Variants in FMN2 observed in about 807,000 individuals in gnomAD.
FMN2 encodes formin 2.
Under a neutral mutation model 142.3 loss-of-function variants are expected in FMN2, and 51 were observed. The observed-to-expected ratio is 0.36, with a 90% CI of 0.29 to 0.45. FMN2 has a LOEUF of 0.45. Among genes scored for constraint, FMN2 ranks in the 20% least tolerant of loss-of-function variants. The pLI, the probability that FMN2 is intolerant of heterozygous loss-of-function variation, is 1.00. For missense variants in FMN2, 1,936 were observed against 2,122.8 expected, an observed-to-expected ratio of 0.91 and a Z score of 1.73; for synonymous variants, 882 against 869.8, an observed-to-expected ratio of 1.01 and a Z score of -0.25.
chr1:240,227,107 A>G (rs1226655630), intron 6 of FMN2, among the ~76,000 whole-genome samples: 1 of 152,266 alleles, frequency 6.6e-6, no homozygotes, highest in Non-Finnish European at 1.5e-5. Flanking sequence ...GGAATTCATT[A>G]GAAGAAACTA....
At chr1:240,341,148 G>A (rs1671728025) in intron 13 of FMN2, among the ~76,000 whole-genome samples, 1 of 152,102 alleles carries the variant, frequency 6.6e-6, no homozygotes, top group African/African-American at 2.4e-5. Flanking sequence ...TATCAATGCA[G>A]TAAATCATAA....
At chr1:240,318,135 G>T (rs1187312970) in intron 8 of FMN2, among the ~76,000 whole-genome samples, 1 of 152,160 alleles carries the variant, frequency 6.6e-6, no homozygotes, top group African/African-American at 2.4e-5. Context: ...CCTTGTTGCT[G>T]CTGGGTGGAA....
chr1:240,196,293 T>A (rs1455585603), intron 4 of FMN2, among the ~76,000 whole-genome samples: 2 of 152,152 alleles, frequency 1.3e-5, no homozygotes, highest in Non-Finnish European at 2.9e-5. Context: ...TTCCATTACT[T>A]CTCAGCTAAG....
chr1:240,172,334 T>G (rs189866466), intron 2 of FMN2, among the ~76,000 whole-genome samples: 2 of 152,188 alleles, frequency 1.3e-5, no homozygotes, highest in South Asian at 4.1e-4. Flanking sequence ...CAACTACTTA[T>G]AGTCATGCAA....
Position 240,392,516 on chromosome 1 carries a change from A to G in FMN2, c.4864A>G (p.Ile1622Val). 1 of 1,610,220 alleles carries G rather than the reference A, an allele frequency of 6.2e-7. No individual in the cohort carries two copies. Among genetic ancestry groups the G allele is most frequent in the Non-Finnish European group, 8.5e-7 (1 of 1,178,182 alleles). ...TTATTTTCTTGCACTTTCAGCCAAA[A>G]TTGACCAAGAGGCAGAGGAAAATTC... The part of the protein sequence containing the change: ...NMEQFIIQAK[I>V]DQEAEENSLT... Residue 1622 changes from isoleucine (I) to valine (V), a missense_variant, in exon 15 of 18, where the codon ATT (isoleucine) becomes GTT (valine). Physicochemically the swap from Ile to Val is conservative, Grantham distance 29 (BLOSUM62 3). This residue lies in a region of FMN2 where 322 missense variants were observed against 401.6 expected (regional missense o/e 0.80). Transcript: ENST00000319653.
chr1:240,438,073 C>T lies in FMN2; in HGVS notation c.4923C>T (p.Thr1641=). The T allele has an allele frequency of 1.2e-6, 2 of 1,612,066 alleles. No individual in the cohort carries two copies. Among genetic ancestry groups the T allele is most frequent in the Non-Finnish European group, 1.7e-6 (2 of 1,179,222 alleles). The change falls in exon 16 of 18, where the codon ACC becomes ACT. Residue 1641 remains threonine (T), a synonymous_variant. Coordinates refer to ENST00000319653, the MANE Select transcript of FMN2 (RefSeq NM_020066.5). ...TATGATTTGACAGCTTTTTGGAGAC[C>T]ACGGCATATTTCTTCATGAAACCAA... ...LTETHKCFLE[T]TAYFFMKPKL...
At chr1:240,388,990 C>T (rs1055022037) in intron 14 of FMN2, among the ~76,000 whole-genome samples, 26 of 151,988 alleles carry the variant, frequency 1.7e-4, no homozygotes, top group Non-Finnish European at 3.1e-4. Context: ...TTGAATGCTG[C>T]TTTTGCTACC....
At chr1:240,416,736 G>A (rs775328860) in intron 15 of FMN2, among the ~76,000 whole-genome samples, 2 of 148,150 alleles carry the variant, frequency 1.3e-5, no homozygotes, top group African/African-American at 2.5e-5. Flanking sequence ...CAGAAATTTT[G>A]ATTTGTTGAT....
intron 14 of FMN2, among the ~76,000 whole-genome samples, chr1:240,367,031 C>T (rs1672695522): frequency 1.3e-5 from 2 of 152,176 alleles, no homozygotes; most frequent in South Asian, 4.1e-4. Flanking sequence ...GATTAGTTCT[C>T]ATCTGCACTT....
At chr1:240,273,037 T>A (rs750073309) in intron 7 of FMN2, among the ~76,000 whole-genome samples, 7 of 80,932 alleles carry the variant, frequency 8.6e-5, no homozygotes, top group Non-Finnish European at 1.3e-4. Flanking sequence ...ATTGTTCCCT[T>A]GCTTTAGCCA....
chr1:240,303,739 A>T (rs981722327), intron 8 of FMN2, among the ~76,000 whole-genome samples: 1 of 152,090 alleles, frequency 6.6e-6, no homozygotes, highest in Non-Finnish European at 1.5e-5. Context: ...ATTATTTTTT[A>T]AAAATATCCT....
At chr1:240,280,936 C>T (rs1669376675) in intron 7 of FMN2, among the ~76,000 whole-genome samples, 1 of 152,146 alleles carries the variant, frequency 6.6e-6, no homozygotes, top group East Asian at 1.9e-4. Context: ...AAACAGTCTA[C>T]AATGGTAATC....
At chr1:240,099,631 C>T (rs577679155) in intron 1 of FMN2, among the ~76,000 whole-genome samples, 6 of 152,244 alleles carry the variant, frequency 3.9e-5, no homozygotes, top group Non-Finnish European at 7.4e-5. Flanking sequence ...ATTTCATTTT[C>T]CCGACTTTGT....
chr1:240,435,463 T>C (rs773276587), intron 15 of FMN2, among the ~76,000 whole-genome samples: 3 of 151,620 alleles, frequency 2.0e-5, no homozygotes, highest in Admixed American at 1.3e-4. Context: ...TTAGTTATAA[T>C]TTAGAGAATA....
intron 4 of FMN2, among the ~76,000 whole-genome samples, chr1:240,192,763 C>A (rs996326510): frequency 1.3e-5 from 2 of 151,992 alleles, no homozygotes; most frequent in Non-Finnish European, 2.9e-5. Flanking sequence ...GACAGGATAC[C>A]CTTAGGGCAG....
intron 1 of FMN2, among the ~76,000 whole-genome samples, chr1:240,112,625 T>A (rs763634766): frequency 6.6e-6 from 1 of 152,260 alleles, no homozygotes; most frequent in South Asian, 2.1e-4. Context: ...TATATACTTA[T>A]AAAGTTTATA....
intron 13 of FMN2, among the ~76,000 whole-genome samples, chr1:240,335,444 A>T (rs1671524094): frequency 6.6e-6 from 1 of 152,178 alleles, no homozygotes; most frequent in Non-Finnish European, 1.5e-5. Flanking sequence ...AGCAACAAAA[A>T]AACCCACTCA....
chr1:240,214,977 G>T (rs1283145066), intron 6 of FMN2, among the ~76,000 whole-genome samples: 1 of 152,026 alleles, frequency 6.6e-6, no homozygotes, highest in Non-Finnish European at 1.5e-5. Context: ...GAGATGGGAA[G>T]ATCATCTGAG....
chr1:240,106,431 G>A (rs569176158), intron 1 of FMN2, among the ~76,000 whole-genome samples: 4 of 152,144 alleles, frequency 2.6e-5, no homozygotes, highest in East Asian at 1.9e-4. Context: ...ATATAGATAC[G>A]GGAATAGTTT....
Sources: gnomAD v4.1 joint callset for allele counts (sites outside exome capture counted in the v4.1 genomes callset) on GRCh38, gnomAD v4.1.1 for gene constraint, gnomAD v4.1.1 regional missense constraint, MANE v1.5 for transcripts, NCBI Gene and HGNC (gene_info 2026-07-23, HGNC 2026-07-21) for gene names.